VSNL1: variants seen among roughly 807,000 people sequenced by gnomAD.
The protein encoded by VSNL1 is visinin like 1.
A neutral mutation model predicts 20.4 loss-of-function variants in VSNL1; 6 were observed. The observed-to-expected ratio is 0.29, with a 90% CI of 0.16 to 0.58. The LOEUF (loss-of-function observed/expected upper bound fraction) is 0.58, where lower values mean the gene tolerates loss of function less well. Ranked by LOEUF, VSNL1 falls within the 20% of genes least tolerant of loss-of-function variation. The probability of loss-of-function intolerance (pLI) is 0.90; values close to 1 mark genes in which losing one functional copy is unlikely to be tolerated. For missense variants in VSNL1, 100 were observed against 234.5 expected (o/e 0.43, Z 3.75); for synonymous variants, 93 against 86.4 (o/e 1.08, Z -0.42).
At chr2:17,636,699 A>G (rs1665758456) in intron 2 of VSNL1, among the ~76,000 whole-genome samples, 1 of 146,756 alleles carries the variant, frequency 6.8e-6, no homozygotes, top group Admixed American at 6.8e-5. Context: ...TAATGGGTTC[A>G]ATGGAATCTA....
rs186943541 is a variant in VSNL1, at chr2:17,587,655, G to A, written c.-5-4415G>A. On this transcript the variant is annotated intron_variant, in intron 1 of 3. Transcript: ENST00000295156. ...GTTGCAGTATCTTTGAGATGATCCT[G>A]CAGGTGAGAGAAGATGATGGCCTCT... Among the ~76,000 whole-genome samples the A allele has an allele frequency of 1.3e-4, 20 of 152,238 alleles. No homozygotes were observed. The East Asian group carries it at 3.3e-3, about 25-fold the overall frequency.
At chr2:17,582,320 G>A (rs1194792182) in intron 1 of VSNL1, among the ~76,000 whole-genome samples, 1 of 152,156 alleles carries the variant, frequency 6.6e-6, no homozygotes, top group Non-Finnish European at 1.5e-5. Flanking sequence ...TTCAGAGTGA[G>A]GATAATGAGA....
chr2:17,610,463 A>T (rs1453387049), intron 2 of VSNL1, among the ~76,000 whole-genome samples: 1 of 152,194 alleles, frequency 6.6e-6, no homozygotes, highest in Non-Finnish European at 1.5e-5. Flanking sequence ...AATATAGTGA[A>T]CCAGGTGGTG....
At chr2:17,639,865 A>G (rs1301912229) in intron 2 of VSNL1, among the ~76,000 whole-genome samples, 1 of 152,340 alleles carries the variant, frequency 6.6e-6, no homozygotes, top group East Asian at 1.9e-4. Context: ...AATACCGGGC[A>G]TTCTGACTCT....
intron 1 of VSNL1, among the ~76,000 whole-genome samples, chr2:17,579,395 G>A (rs1180548288): frequency 2.6e-5 from 4 of 152,068 alleles, no homozygotes; most frequent in African/African-American, 7.2e-5. Flanking sequence ...GATTACAGGC[G>A]TGAGCCACCG....
chr2:17,653,241 C>T (rs1024974034), intron 3 of VSNL1, among the ~76,000 whole-genome samples: 8 of 152,118 alleles, frequency 5.3e-5, no homozygotes, highest in Non-Finnish European at 8.8e-5. Flanking sequence ...GTCATGGATA[C>T]GATTAATGAG....
At chr2:17,561,172 A>C (rs2103347975) in intron 1 of VSNL1, among the ~76,000 whole-genome samples, 1 of 152,326 alleles carries the variant, frequency 6.6e-6, no homozygotes, top group East Asian at 1.9e-4. Context: ...CAGATGATTA[A>C]AAATTGATCA....
chr2:17,593,703 TC>T (rs1169796709), intron 2 of VSNL1, among the ~76,000 whole-genome samples: 1 of 152,220 alleles, frequency 6.6e-6, no homozygotes, highest in Non-Finnish European at 1.5e-5. Flanking sequence ...ATCTGGGTAA[TC>T]AATTATTAGC....
At chr2:17,608,415 G>A (rs190864063) in intron 2 of VSNL1, among the ~76,000 whole-genome samples, 1 of 152,250 alleles carries the variant, frequency 6.6e-6, no homozygotes, top group Non-Finnish European at 1.5e-5. Flanking sequence ...ATCTCTTGCA[G>A]ACTTCAAAGC....
At chr2:17,650,564 G>T (rs1013817853) in intron 3 of VSNL1, among the ~76,000 whole-genome samples, 1 of 152,228 alleles carries the variant, frequency 6.6e-6, no homozygotes, top group Non-Finnish European at 1.5e-5. Flanking sequence ...TGACCAAGGA[G>T]AGAAAGGTAT....
chr2:17,593,669 G>A (rs1484133485), intron 2 of VSNL1, among the ~76,000 whole-genome samples: 1 of 152,186 alleles, frequency 6.6e-6, no homozygotes, highest in Non-Finnish European at 1.5e-5. Flanking sequence ...CATTTTATAC[G>A]ATCACTGTGA....
At chr2:17,654,392 TG>T (rs751318432) in intron 3 of VSNL1, among the ~76,000 whole-genome samples, 1 of 152,222 alleles carries the variant, frequency 6.6e-6, no homozygotes, top group Non-Finnish European at 1.5e-5. Context: ...ATGGTACAAC[TG>T]GCTTGGTTGT....
At chr2:17,568,840 A>G (rs1483185425) in intron 1 of VSNL1, among the ~76,000 whole-genome samples, 1 of 152,152 alleles carries the variant, frequency 6.6e-6, no homozygotes, top group Non-Finnish European at 1.5e-5. Context: ...AACTGGGTAT[A>G]TAATTATTAG....
intron 2 of VSNL1, among the ~76,000 whole-genome samples, chr2:17,609,435 A>G (rs1665030147): frequency 6.6e-6 from 1 of 152,234 alleles, no homozygotes; most frequent in Admixed American, 6.5e-5. Flanking sequence ...GTCAGTTACT[A>G]TGGAAGAAAA....
intron 1 of VSNL1, among the ~76,000 whole-genome samples, chr2:17,550,318 A>C (rs1195197659): frequency 6.6e-6 from 1 of 152,218 alleles, no homozygotes; most frequent in Non-Finnish European, 1.5e-5. Flanking sequence ...AGTTAAATTG[A>C]AAAAATGATT....
chr2:17,631,086 G>A (rs1377039230), intron 2 of VSNL1, among the ~76,000 whole-genome samples: 1 of 151,980 alleles, frequency 6.6e-6, no homozygotes, highest in African/African-American at 2.4e-5. Context: ...AGCCCAAAAT[G>A]GCATTTTAAA....
At chr2:17,602,000 A>G (rs1317880363) in intron 2 of VSNL1, among the ~76,000 whole-genome samples, 1 of 152,234 alleles carries the variant, frequency 6.6e-6, no homozygotes, top group African/African-American at 2.4e-5. Flanking sequence ...GGACTTGAAC[A>G]TGCAAAATCA....
intron 2 of VSNL1, 51 bp downstream of exon 2, chr2:17,592,287 C>T: frequency 6.3e-7 from 1 of 1,579,978 alleles, no homozygotes; most frequent in Non-Finnish European, 8.7e-7. Flanking sequence ...AAACTATGGC[C>T]TTCATGAAAT....
intron 2 of VSNL1, among the ~76,000 whole-genome samples, chr2:17,631,222 G>T (rs771877167): frequency 1.3e-5 from 2 of 151,846 alleles, no homozygotes; most frequent in African/African-American, 2.4e-5. Flanking sequence ...AGAAAACATA[G>T]GGAAATATTC....
Sources: gnomAD v4.1 joint callset for allele counts (sites outside exome capture counted in the v4.1 genomes callset) on GRCh38, gnomAD v4.1.1 for gene constraint, MANE v1.5 for transcripts, NCBI Gene and HGNC (gene_info 2026-07-23, HGNC 2026-07-21) for gene names.